Variants in BCAT1 observed in about 807,000 individuals in gnomAD.
BCAT1 encodes branched chain amino acid transaminase 1.
In BCAT1, 48 loss-of-function variants were observed where a neutral mutation model predicts 52.4. The ratio of observed to expected loss-of-function variants is 0.92; its 90% CI spans 0.73 to 1.16. BCAT1 has a LOEUF of 1.16. Among genes scored for constraint, BCAT1 ranks in the 50% most tolerant of loss-of-function variants. The pLI is 0.00. For synonymous variants in BCAT1, 167 were observed against 161.3 expected, an observed-to-expected ratio of 1.04 and a Z score of -0.27; for missense variants, 451 against 457.1, an observed-to-expected ratio of 0.99 and a Z score of 0.12.
intron 5 of BCAT1, among the ~76,000 whole-genome samples, chr12:24,854,092 A>G (rs1941595506): frequency 6.6e-6 from 1 of 152,238 alleles, no homozygotes; most frequent in Non-Finnish European, 1.5e-5. Context: ...GAAGGACAAG[A>G]CACTGAGTGT....
At chr12:24,932,961 A>G (rs1943697596) in intron 1 of BCAT1, among the ~76,000 whole-genome samples, 1 of 152,010 alleles carries the variant, frequency 6.6e-6, no homozygotes, top group South Asian at 2.1e-4. Context: ...ACAGGTGCCC[A>G]CCACCACACT....
intron 8 of BCAT1, among the ~76,000 whole-genome samples, chr12:24,833,476 G>A (rs113279435): frequency 3.9e-5 from 6 of 152,228 alleles, no homozygotes; most frequent in African/African-American, 9.6e-5. Context: ...CCAAGATCAC[G>A]TCACTGCAGT....
intron 7 of BCAT1, among the ~76,000 whole-genome samples, chr12:24,837,309 A>G (rs890447852): frequency 1.3e-5 from 2 of 152,136 alleles, no homozygotes; most frequent in Non-Finnish European, 2.9e-5. Flanking sequence ...TAATGTAGAT[A>G]GGGTCTTACT....
chr12:24,891,849 C>T (rs1259329178), intron 3 of BCAT1, among the ~76,000 whole-genome samples: 1 of 151,262 alleles, frequency 6.6e-6, no homozygotes, highest in Non-Finnish European at 1.5e-5. Context: ...CCTGGGTTCA[C>T]GTCATTTTCC....
rs372004088 is a variant in BCAT1 at position 24,901,834 on chromosome 12, C to T, written c.58G>A (p.Glu20Lys). 14 of 1,614,008 alleles carry T rather than the reference C, an allele frequency of 8.7e-6. No individual in the cohort carries two copies. The highest frequency in any genetic ancestry group is 1.0e-5 in the Non-Finnish European group (12 of 1,179,888). Residue 20 changes from glutamate to lysine, a missense_variant, in exon 2 of 11, where the codon GAG (glutamate) becomes AAG (lysine). By Grantham distance (56) the Glu-to-Lys change is moderately conservative. Transcript: ENST00000261192. ...AECTGEGGSK[E>K]VVGTFKAKDL... The stretch of plus-strand genomic sequence containing the variant: ...CTTACCTTAAAAGTCCCCACCACCT[C>T]TTTTGATCCTCCTTCTCCGGTACAC...
rs1390910496 is a variant in BCAT1 at position 24,916,805 on chromosome 12, C to T, written c.7-14920G>A. 5.3e-5 allele frequency among the ~76,000 whole-genome samples: 8 copies of T among 152,212 alleles called. No individual in the cohort carries two copies. In the East Asian group the frequency reaches 1.5e-3, roughly 29 times the overall value. The stretch of plus-strand genomic sequence containing the variant: ...CCACCGGCCTCGCCCTCCCAAGGTG[C>T]TGGGATTACAGGCATGAGCCACCAT... On this transcript the variant is annotated intron_variant, in intron 1 of 10. Transcript: ENST00000261192.
intron 1 of BCAT1, among the ~76,000 whole-genome samples, chr12:24,936,017 C>CT (rs1240428608): frequency 2.6e-5 from 4 of 152,220 alleles, no homozygotes; most frequent in Non-Finnish European, 5.9e-5. Flanking sequence ...TTTAACATCC[C>CT]TACTTCTACT....
chr12:24,817,870 C>A lies in BCAT1; in HGVS notation c.*138G>T. ...TTTCTCTGGCATGAAGAAACAATCA[C>A]TCTTGTAACACATTGATACTACAAA... On this transcript the variant is annotated 3_prime_UTR_variant, in exon 11 of 11. Coordinates refer to ENST00000261192, the MANE Select transcript of BCAT1 (RefSeq NM_005504.7). 1 of 862,426 alleles carries A rather than the reference C, an allele frequency of 1.2e-6. No homozygotes were observed. Among genetic ancestry groups the A allele is most frequent in the Admixed American group, 2.2e-5 (1 of 45,090 alleles). The allele number at this position is 862,426 out of a possible 1,614,324, so 53.4% of individuals were successfully genotyped here.
intron 3 of BCAT1, among the ~76,000 whole-genome samples, chr12:24,883,686 A>G (rs890481725): frequency 6.6e-5 from 10 of 152,320 alleles, no homozygotes; most frequent in South Asian, 2.1e-4. Flanking sequence ...GCAGTCCCCA[A>G]CCTTTTTGGC....
intron 3 of BCAT1, among the ~76,000 whole-genome samples, chr12:24,882,840 A>G (rs1448282265): frequency 6.6e-6 from 1 of 151,734 alleles, no homozygotes; most frequent in Admixed American, 6.6e-5. Flanking sequence ...GGCTCAAGTG[A>G]TGTGCCTGCC....
At position 24,814,157 on chromosome 12, in the gene BCAT1, G is replaced by A. The variant is rs552019604; in HGVS notation, c.*3851C>T. On this transcript the variant is annotated 3_prime_UTR_variant, in exon 11 of 11. Coordinates refer to ENST00000261192, the MANE Select transcript of BCAT1 (RefSeq NM_005504.7). ...TAAAATTACCTGCTAGCATTACTAC[G>A]TATAACTGAAGTTTTTGCATATCCG... 3 of 152,084 alleles carry A rather than the reference G, an allele frequency of 2.0e-5. No individual in the cohort carries two copies. Among genetic ancestry groups the A allele is most frequent in the Non-Finnish European group, 2.9e-5 (2 of 67,986 alleles). The allele number at this position is 152,084 out of a possible 1,614,324, so 9.4% of individuals were successfully genotyped here.
chr12:24,891,028 T>C (rs1942822477), intron 3 of BCAT1, among the ~76,000 whole-genome samples: 1 of 152,174 alleles, frequency 6.6e-6, no homozygotes, highest in African/African-American at 2.4e-5. Flanking sequence ...CTATGTTGAC[T>C]ATTGTTGTGG....
intron 1 of BCAT1, among the ~76,000 whole-genome samples, chr12:24,947,869 A>C (rs1469081374): frequency 6.6e-6 from 1 of 152,260 alleles, no homozygotes; most frequent in Non-Finnish European, 1.5e-5. Flanking sequence ...TAGAACCTCT[A>C]ACTATAGAAG....
At chr12:24,886,633 C>T (rs942024029) in intron 3 of BCAT1, among the ~76,000 whole-genome samples, 1 of 151,856 alleles carries the variant, frequency 6.6e-6, no homozygotes, top group South Asian at 2.1e-4. Flanking sequence ...TGCTCAAGAG[C>T]CAAGATTTAA....
intron 3 of BCAT1, among the ~76,000 whole-genome samples, chr12:24,882,295 G>A (rs1942527069): frequency 6.6e-6 from 1 of 152,024 alleles, no homozygotes; most frequent in African/African-American, 2.4e-5. Flanking sequence ...TAAACCATAG[G>A]TCACAGAAGA....
intron 5 of BCAT1, among the ~76,000 whole-genome samples, chr12:24,863,840 A>G (rs1358161518): frequency 6.6e-6 from 1 of 152,058 alleles, no homozygotes; most frequent in East Asian, 1.9e-4. Flanking sequence ...CTGAGGTGGG[A>G]GGATTACTTG....
chr12:24,930,825 G>A (rs1943665094), intron 1 of BCAT1, among the ~76,000 whole-genome samples: 1 of 150,964 alleles, frequency 6.6e-6, no homozygotes, highest in Non-Finnish European at 1.5e-5. Context: ...CTTTAGATGT[G>A]TCAAACGTGT....
chr12:24,934,502 TTA>T (rs1465617822), intron 1 of BCAT1, among the ~76,000 whole-genome samples: 2 of 152,178 alleles, frequency 1.3e-5, no homozygotes, highest in Admixed American at 1.3e-4. Flanking sequence ...AATAAATGCA[TTA>T]TAAGAATCTC....
chr12:24,857,375 T>C lies in BCAT1; in HGVS notation c.511-7426A>G, dbSNP rs144041805. The stretch of plus-strand genomic sequence containing the variant: ...TTGGTTTCACCTGGGAGGTTACTTT[T>C]GGTAAAGTTCAAAAGCCAGAAATAT... On this transcript the variant is annotated intron_variant, in intron 5 of 10. Coordinates refer to ENST00000261192, the MANE Select transcript of BCAT1 (RefSeq NM_005504.7). 5.9e-5 allele frequency among the ~76,000 whole-genome samples: 9 copies of C among 152,318 alleles called. 1 individual carries two copies. The East Asian group carries it at 1.7e-3, about 29-fold the overall frequency.
Sources: gnomAD v4.1 joint callset for allele counts (sites outside exome capture counted in the v4.1 genomes callset) on GRCh38, gnomAD v4.1.1 for gene constraint, MANE v1.5 for transcripts, NCBI Gene and HGNC (gene_info 2026-07-23, HGNC 2026-07-21) for gene names.